The following PLAC9 variants were observed in gnomAD, a reference collection of about 807,000 sequenced individuals.
PLAC9 encodes the protein placenta-specific protein 9.
A neutral mutation model predicts 11.5 loss-of-function variants in PLAC9; 12 were observed. The observed-to-expected ratio is 1.05, with a 90% CI of 0.67 to 1.69. The LOEUF (loss-of-function observed/expected upper bound fraction) is 1.69, where lower values mean the gene tolerates loss of function less well. PLAC9 is among the 40% of genes most tolerant of loss of function. The pLI, the probability that PLAC9 is intolerant of heterozygous loss-of-function variation, is 0.00. For missense variants in PLAC9, 132 were observed against 130.5 expected (o/e 1.01, Z -0.06); for synonymous variants, 62 against 58.1 (o/e 1.07, Z -0.31).
intron 1 of PLAC9, among the ~76,000 whole-genome samples, chr10:80,136,451 C>A (rs575728505): frequency 6.6e-6 from 1 of 152,162 alleles, no homozygotes; most frequent in African/African-American, 2.4e-5. Flanking sequence ...GGTGCATGTG[C>A]GTGTCTACTA....
chr10:80,142,092 C>T lies in PLAC9; in HGVS notation c.75C>T (p.Pro25=). Residue 25 remains proline, a synonymous_variant, in exon 2 of 4, where the codon CCC becomes CCT. Transcript: ENST00000372263. Reference sequence around the variant, plus strand: ...CTTGTTTTCCCACAGCTGCCGAACCCTTCAGCCCTCCGCGAGGAGACTCAG... The same window carrying T: ...CTTGTTTTCCCACAGCTGCCGAACCTTTCAGCCCTCCGCGAGGAGACTCAG... ...RAAGSLAAAE[P]FSPPRGDSAQ... 1 of 1,610,126 alleles carries T rather than the reference C, an allele frequency of 6.2e-7. No individual in the cohort carries two copies. Among genetic ancestry groups the T allele is most frequent in the Non-Finnish European group, 8.5e-7 (1 of 1,177,058 alleles).
intron 1 of PLAC9, among the ~76,000 whole-genome samples, chr10:80,138,367 T>A (rs1347571351): frequency 6.6e-6 from 1 of 152,052 alleles, no homozygotes; most frequent in Non-Finnish European, 1.5e-5. Context: ...ATTAAAAAAA[T>A]AACCAAAGGG....
intron 1 of PLAC9, among the ~76,000 whole-genome samples, chr10:80,133,622 A>G (rs2132331371): frequency 6.6e-6 from 1 of 152,118 alleles, no homozygotes; most frequent in East Asian, 1.9e-4. Context: ...GGAGGTGGAG[A>G]GCTGTGCGGA....
rs567860222 is a variant in PLAC9, at chr10:80,142,875, C to A, written c.162+696C>A. Among the ~76,000 whole-genome samples the A allele has an allele frequency of 2.0e-5, 3 of 152,150 alleles. No individual in the cohort carries two copies. The East Asian group carries it at 5.8e-4, about 29-fold the overall frequency. On this transcript the variant is annotated intron_variant, in intron 2 of 3. Coordinates refer to ENST00000372263, the MANE Select transcript of PLAC9 (RefSeq NM_001012973.3). ...CTGAGACTACAGACACATGTGCCAC[C>A]ATGCCTAGCTAATTTCTGTATTTAT...
intron 1 of PLAC9, among the ~76,000 whole-genome samples, chr10:80,134,975 C>G (rs1437172832): frequency 1.3e-5 from 2 of 151,918 alleles, no homozygotes; most frequent in Non-Finnish European, 2.9e-5. Flanking sequence ...TGAGAGCTAT[C>G]TCTAGCACGT....
intron 1 of PLAC9, 118 bp downstream of exon 1, chr10:80,132,944 G>C (rs1427525402): frequency 5.0e-6 from 4 of 805,844 alleles, no homozygotes; most frequent in Non-Finnish European, 7.1e-6. Flanking sequence ...GATGGACAGA[G>C]AGGCAGATGC....
At chr10:80,135,893 A>G (rs1844969828) in intron 1 of PLAC9, among the ~76,000 whole-genome samples, 1 of 152,164 alleles carries the variant, frequency 6.6e-6, no homozygotes, top group South Asian at 2.1e-4. Context: ...TTAACCCCCA[A>G]GTGGCCAGGG....
chr10:80,141,115 G>A (rs763555084), intron 1 of PLAC9, among the ~76,000 whole-genome samples: 1 of 152,094 alleles, frequency 6.6e-6, no homozygotes, highest in Admixed American at 6.6e-5. Flanking sequence ...CAGTGTCAAC[G>A]CTGCTACTGA....
rs760371760 is a variant in PLAC9 at position 80,142,159 on chromosome 10, C to T, written c.142C>T (p.Arg48Cys). ...TGACAGACACATGGCTGTGCAACGC[C>T]GTCTAGATGTCATGGAGGAGGTAAC... ...ACDRHMAVQR[R>C]LDVMEEMVEK... Residue 48 changes from arginine (R) to cysteine (C), a missense_variant, in exon 2 of 4, where the codon CGT becomes TGT. Arg to Cys is a radical substitution (Grantham distance 180). Coordinates refer to ENST00000372263, the MANE Select transcript of PLAC9 (RefSeq NM_001012973.3). 9.3e-6 allele frequency: 15 copies of T among 1,606,580 alleles called. No homozygotes were observed. Among genetic ancestry groups the T allele is most frequent in the South Asian group, 4.4e-5 (4 of 90,580 alleles).
intron 1 of PLAC9, among the ~76,000 whole-genome samples, chr10:80,135,010 G>GTTTA (rs148037377): frequency 0.27 from 31,792 of 117,944 alleles, 4,037 homozygotes; most frequent in East Asian, 0.64. Flanking sequence ...TGGTTTGTTT[G>GTTTA]TTTGTTTATT....
intron 1 of PLAC9, among the ~76,000 whole-genome samples, chr10:80,140,819 A>G (rs1430147715): frequency 2.6e-5 from 4 of 152,122 alleles, no homozygotes; most frequent in Non-Finnish European, 5.9e-5. Flanking sequence ...GTGAGCCACC[A>G]TGCCTGGCTA....
At chr10:80,132,916 A>C in intron 1 of PLAC9, 90 bp downstream of exon 1, 1 of 1,131,558 alleles carries the variant, frequency 8.8e-7, no homozygotes, top group Non-Finnish European at 1.2e-6. Flanking sequence ...ACGGAGAGAG[A>C]GCTGGACACA....
intron 3 of PLAC9, 121 bp downstream of exon 3, chr10:80,144,464 C>A (rs1208390536): frequency 2.2e-6 from 3 of 1,339,992 alleles, no homozygotes; most frequent in Non-Finnish European, 3.0e-6. Context: ...AGGGCCCCAG[C>A]GCTCCCTGGG....
At chr10:80,142,537 T>C (rs1265431603) in intron 2 of PLAC9, among the ~76,000 whole-genome samples, 1 of 152,212 alleles carries the variant, frequency 6.6e-6, no homozygotes, top group Non-Finnish European at 1.5e-5. Context: ...TTCTCATTCA[T>C]CATAAATACA....
chr10:80,133,289 G>A (rs557943063), intron 1 of PLAC9, among the ~76,000 whole-genome samples: 84 of 152,350 alleles, frequency 5.5e-4, no homozygotes, highest in Middle Eastern at 3.4e-3. Context: ...TGGCAAGAGA[G>A]AAGGAGCCAG....
chr10:80,136,474 T>C (rs144867725), intron 1 of PLAC9, among the ~76,000 whole-genome samples: 1 of 152,154 alleles, frequency 6.6e-6, no homozygotes, highest in Non-Finnish European at 1.5e-5. Flanking sequence ...TTTTATTCAT[T>C]TATTTATTTT....
At chr10:80,135,321 CTTTTTTTTTTT>C (rs139336508) in intron 1 of PLAC9, among the ~76,000 whole-genome samples, 2 of 67,318 alleles carry the variant, frequency 3.0e-5, no homozygotes, top group Non-Finnish European at 5.1e-5. Flanking sequence ...TGCGCCCGGC[CTTTTTTTTTTT>C]TTTTTTTTTT....
chr10:80,143,415 T>TTTTTTTTTTG (rs71034289), intron 2 of PLAC9, among the ~76,000 whole-genome samples: 2 of 70,156 alleles, frequency 2.9e-5, no homozygotes, highest in African/African-American at 9.8e-5. Context: ...TTTTTTTTTT[T>TTTTTTTTTTG]GAGGCAGAGT....
In PLAC9 at chr10:80,145,041, C is replaced by A; in HGVS notation, c.*131C>A. The A allele has an allele frequency of 1.7e-6, 2 of 1,204,248 alleles. No homozygotes were observed. The highest frequency in any genetic ancestry group is 1.3e-5 in the South Asian group (1 of 77,198). The allele number at this position is 1,204,248 out of a possible 1,614,324, so 74.6% of individuals were successfully genotyped here. ...AAAGCTATTCTGGTCTCCTCTGTGT[C>A]TGCTGACAGAGTAACCCGTTTAACT... On this transcript the variant is annotated 3_prime_UTR_variant, in exon 4 of 4. Transcript: ENST00000372263.
Sources: allele counts gnomAD v4.1 joint callset (sites outside exome capture counted in the v4.1 genomes callset), GRCh38; gene constraint gnomAD v4.1.1; transcripts MANE v1.5; gene names NCBI Gene and HGNC (gene_info 2026-07-23, HGNC 2026-07-21).